The following DPH6 variants were observed in gnomAD, a reference collection of about 807,000 sequenced individuals.
DPH6 encodes diphthine--ammonia ligase.
In DPH6, 33 loss-of-function variants were observed where a neutral mutation model predicts 38.2. That is an observed-to-expected ratio of 0.86 (90% CI 0.65 to 1.15). DPH6 has a LOEUF of 1.15. Ranked by LOEUF, DPH6 falls within the 50% of genes most tolerant of loss-of-function variation. The pLI, the probability that DPH6 is intolerant of heterozygous loss-of-function variation, is 0.00. For missense variants in DPH6, 325 were observed against 320.0 expected (o/e 1.02, Z -0.12); for synonymous variants, 108 against 103.0 (o/e 1.05, Z -0.30).
intron 3 of DPH6, among the ~76,000 whole-genome samples, chr15:35,318,805 AATGTATTTGG>A (rs1368264304): frequency 6.6e-6 from 1 of 152,168 alleles, no homozygotes; most frequent in African/African-American, 2.4e-5. Context: ...AAATGTGTAT[AATGTATTTGG>A]AATAGTTTTT....
At chr15:35,250,818 G>A (rs935268171) in intron 3 of DPH6, among the ~76,000 whole-genome samples, 3 of 152,152 alleles carry the variant, frequency 2.0e-5, no homozygotes, top group Non-Finnish European at 4.4e-5. Flanking sequence ...ATAAAGCTTT[G>A]TGAGTAGGCA....
intron 3 of DPH6, among the ~76,000 whole-genome samples, chr15:35,248,734 A>G (rs1312735607): frequency 6.6e-6 from 1 of 152,204 alleles, no homozygotes; most frequent in Non-Finnish European, 1.5e-5. Context: ...GACGGAGAGG[A>G]CAGGTATCAC....
chr15:35,545,606 G>T (rs2055335313), intron 1 of DPH6, among the ~76,000 whole-genome samples: 1 of 152,224 alleles, frequency 6.6e-6, no homozygotes, highest in South Asian at 2.1e-4. Context: ...GGGATGGGCG[G>T]AAACACTTAC....
intron 3 of DPH6, among the ~76,000 whole-genome samples, chr15:35,464,353 C>T (rs960577600): frequency 2.6e-5 from 4 of 151,292 alleles, no homozygotes; most frequent in African/African-American, 7.3e-5. Flanking sequence ...TAACAGACCA[C>T]AAGGGAGACA....
intron 6 of DPH6, among the ~76,000 whole-genome samples, chr15:35,405,208 T>C (rs550113019): frequency 1.3e-5 from 2 of 151,402 alleles, no homozygotes; most frequent in South Asian, 2.1e-4. Context: ...TGGGATTCCA[T>C]ATAAATTTTA....
chr15:35,242,274 A>G (rs1472470809), intron 3 of DPH6, among the ~76,000 whole-genome samples: 1 of 142,608 alleles, frequency 7.0e-6, no homozygotes, highest in African/African-American at 2.5e-5. Context: ...CCAAACCTCA[A>G]TCCCTTACAA....
At chr15:35,232,311 G>A (rs1338140568) in intron 3 of DPH6, among the ~76,000 whole-genome samples, 4 of 152,184 alleles carry the variant, frequency 2.6e-5, no homozygotes, top group Non-Finnish European at 5.9e-5. Context: ...GCCAGGCGCG[G>A]TGGCTCATGC....
At chr15:35,266,502 A>C (rs948043885) in intron 3 of DPH6, among the ~76,000 whole-genome samples, 3 of 152,190 alleles carry the variant, frequency 2.0e-5, no homozygotes, top group Admixed American at 6.5e-5. Context: ...AATTTATTTT[A>C]GTTCTGAACT....
intron 3 of DPH6, among the ~76,000 whole-genome samples, chr15:35,324,306 A>T (rs192006025): frequency 5.9e-5 from 9 of 152,326 alleles, no homozygotes; most frequent in Admixed American, 5.2e-4. Context: ...GTTATAAGGC[A>T]TCTTTCAAAA....
chr15:35,458,534 C>G (rs2054024670), intron 3 of DPH6, among the ~76,000 whole-genome samples: 1 of 152,150 alleles, frequency 6.6e-6, no homozygotes, highest in East Asian at 1.9e-4. Context: ...AAAGACATAG[C>G]TAGGTTCGGG....
At chr15:35,424,713 C>A (rs1477800161) in intron 5 of DPH6, among the ~76,000 whole-genome samples, 1 of 151,540 alleles carries the variant, frequency 6.6e-6, no homozygotes, top group Non-Finnish European at 1.5e-5. Flanking sequence ...GCATCTAATT[C>A]TTTCCTTTTC....
chr15:35,352,549 C>T (rs1019716734), intron 3 of DPH6, among the ~76,000 whole-genome samples: 27 of 152,138 alleles, frequency 1.8e-4, no homozygotes, highest in Middle Eastern at 3.4e-3. Flanking sequence ...TTTGTCCTTG[C>T]GATAGTTTGC....
At chr15:35,532,451 G>A (rs899257675) in intron 3 of DPH6, among the ~76,000 whole-genome samples, 9 of 152,142 alleles carry the variant, frequency 5.9e-5, no homozygotes, top group South Asian at 2.1e-4. Context: ...TTATCAATAG[G>A]TGCTGGAGCT....
At chr15:35,262,630 C>T (rs1200745226) in intron 3 of DPH6, among the ~76,000 whole-genome samples, 2 of 142,572 alleles carry the variant, frequency 1.4e-5, no homozygotes, top group African/African-American at 2.6e-5. Context: ...GGCGTGAACC[C>T]GGGAGGCGGA....
At chr15:35,369,393 T>C (rs1395437737), downstream of DPH6, among the ~76,000 whole-genome samples, 1 of 151,842 alleles carries the variant, frequency 6.6e-6, no homozygotes, top group Admixed American at 6.6e-5. Flanking sequence ...GTGATTTTGA[T>C]AAAATATGTA....
chr15:35,188,874 C>CAA, the DPH6 span, among the ~76,000 whole-genome samples: 47 of 139,576 alleles, frequency 3.4e-4, no homozygotes, highest in African/African-American at 9.8e-4. Context: ...TAGAGTGCCT[C>CAA]AAAAAAAAAA....
chr15:35,218,709 A>T (rs766096590), exon 4 of DPH6: 62 of 152,142 alleles, frequency 4.1e-4, no homozygotes, highest in Non-Finnish European at 7.6e-4. Context: ...GAAACGTGAG[A>T]TCTTTTGTTC....
At chr15:35,245,003 C>G (rs920915902) in intron 3 of DPH6, among the ~76,000 whole-genome samples, 2 of 152,048 alleles carry the variant, frequency 1.3e-5, no homozygotes, top group Non-Finnish European at 2.9e-5. Flanking sequence ...ATCTGACACT[C>G]ATGAAAAATG....
chr15:35,299,116 CT>C, intron 3 of DPH6: 1 of 940,630 alleles, frequency 1.1e-6, no homozygotes, highest in Non-Finnish European at 1.7e-6. Flanking sequence ...CGTTTCACTA[CT>C]TTCTTACAAT....
Sources: gnomAD v4.1 joint callset for allele counts (sites outside exome capture counted in the v4.1 genomes callset) on GRCh38, gnomAD v4.1.1 for gene constraint, MANE v1.5 for transcripts, NCBI Gene and HGNC (gene_info 2026-07-23, HGNC 2026-07-21) for gene names.